The following ARHGAP19 variants were observed in gnomAD, a reference collection of about 807,000 sequenced individuals.
The protein encoded by ARHGAP19 is Rho GTPase activating protein 19.
A neutral mutation model predicts 60.9 loss-of-function variants in ARHGAP19; 48 were observed. That is an observed-to-expected ratio of 0.79 (90% CI 0.62 to 1.00). The LOEUF (loss-of-function observed/expected upper bound fraction) is 1.00. Among genes scored for constraint, ARHGAP19 ranks in the 50% least tolerant of loss-of-function variants. The pLI is 0.00. For missense variants in ARHGAP19, 562 were observed against 597.2 expected, an observed-to-expected ratio of 0.94 and a Z score of 0.61; for synonymous variants, 209 against 215.5, an observed-to-expected ratio of 0.97 and a Z score of 0.27.
intron 7 of ARHGAP19, among the ~76,000 whole-genome samples, chr10:97,244,961 G>A (rs1842542301): frequency 6.7e-6 from 1 of 149,746 alleles, no homozygotes; most frequent in South Asian, 2.1e-4. Context: ...AGGAAAGTAT[G>A]CTTGGAAGAG....
intron 1 of ARHGAP19, among the ~76,000 whole-genome samples, chr10:97,271,267 G>T (rs1842956259): frequency 6.6e-6 from 1 of 152,028 alleles, no homozygotes; most frequent in Non-Finnish European, 1.5e-5. Flanking sequence ...AGTTTTCACT[G>T]TATGCTCTTT....
At chr10:97,285,112 G>A (rs1189857409) in intron 1 of ARHGAP19, among the ~76,000 whole-genome samples, 3 of 151,270 alleles carry the variant, frequency 2.0e-5, no homozygotes, top group Non-Finnish European at 3.0e-5. Context: ...TGATCCGCCC[G>A]CCTCCGCCTC....
At chr10:97,264,799 G>A in intron 3 of ARHGAP19, 27 bp downstream of exon 3, 5 of 1,544,326 alleles carry the variant, frequency 3.2e-6, no homozygotes, top group Non-Finnish European at 4.5e-6. Context: ...ATTAAACAAA[G>A]AATGATAAAA....
chr10:97,274,624 G>C (rs555615798), intron 1 of ARHGAP19, among the ~76,000 whole-genome samples: 2 of 152,252 alleles, frequency 1.3e-5, no homozygotes, highest in Non-Finnish European at 2.9e-5. Context: ...TTATAAACTT[G>C]TATGTATAAT....
At chr10:97,240,193 C>A (rs757494400) in intron 8 of ARHGAP19, among the ~76,000 whole-genome samples, 6 of 150,842 alleles carry the variant, frequency 4.0e-5, no homozygotes, top group Non-Finnish European at 8.8e-5. Context: ...GTACACGTAG[C>A]AGCCAAAAAA....
intron 1 of ARHGAP19, among the ~76,000 whole-genome samples, chr10:97,273,513 G>A (rs1842987006): frequency 9.7e-6 from 1 of 103,236 alleles, no homozygotes; most frequent in African/African-American, 3.6e-5. Context: ...TTTTGAGACA[G>A]AGACTCTCTC....
chr10:97,236,062 G>A (rs1399132485), intron 8 of ARHGAP19, among the ~76,000 whole-genome samples: 3 of 152,078 alleles, frequency 2.0e-5, no homozygotes, highest in Non-Finnish European at 2.9e-5. Flanking sequence ...TGCAACCTCC[G>A]CCTCCCAGGT....
intron 6 of ARHGAP19, among the ~76,000 whole-genome samples, chr10:97,255,102 T>C (rs764733274): frequency 2.1e-4 from 32 of 152,274 alleles, no homozygotes; most frequent in Middle Eastern, 6.8e-3. Flanking sequence ...GGTACAGAGT[T>C]TCAATTTTGC....
At chr10:97,242,324 CTTTTTTTTTTTTTTTT>C (rs1164708198) in intron 8 of ARHGAP19, among the ~76,000 whole-genome samples, 3 of 55,796 alleles carry the variant, frequency 5.4e-5, no homozygotes, top group Non-Finnish European at 1.1e-4. Flanking sequence ...TATCAGTGTT[CTTTTTTTTTTTTTTTT>C]TTTTTTTTTT....
intron 1 of ARHGAP19, among the ~76,000 whole-genome samples, chr10:97,290,290 C>G (rs1053035312): frequency 6.6e-6 from 1 of 152,062 alleles, no homozygotes; most frequent in African/African-American, 2.4e-5. Context: ...ACTCCCATCC[C>G]TCCGGATCTG....
At chr10:97,285,379 C>T (rs1014672914) in intron 1 of ARHGAP19, among the ~76,000 whole-genome samples, 1 of 151,856 alleles carries the variant, frequency 6.6e-6, no homozygotes, top group Non-Finnish European at 1.5e-5. Flanking sequence ...GTCACCCAGG[C>T]CAGAGTGTAG....
intron 4 of ARHGAP19, among the ~76,000 whole-genome samples, chr10:97,262,555 C>T (rs1438094672): frequency 6.6e-6 from 1 of 152,096 alleles, no homozygotes; most frequent in African/African-American, 2.4e-5. Context: ...GTCCCAGCTA[C>T]TCGGGAGGCT....
At chr10:97,263,655 G>T in intron 3 of ARHGAP19, 26 bp from the exon 4 acceptor site, 1 of 1,600,944 alleles carries the variant, frequency 6.2e-7, no homozygotes, top group East Asian at 2.2e-5. Context: ...CAAAGCAGAG[G>T]ACAGGCAAAA....
At chr10:97,278,370 T>C (rs1231329009) in intron 1 of ARHGAP19, among the ~76,000 whole-genome samples, 1 of 152,250 alleles carries the variant, frequency 6.6e-6, no homozygotes, top group Admixed American at 6.5e-5. Context: ...GTTTCTTTTT[T>C]TCTTGACATG....
At chr10:97,273,216 G>A (rs541867717) in intron 1 of ARHGAP19, among the ~76,000 whole-genome samples, 1 of 151,942 alleles carries the variant, frequency 6.6e-6, no homozygotes, top group South Asian at 2.1e-4. Context: ...AGGCCGGAGT[G>A]CAATGGCACA....
chr10:97,232,156 T>C (rs1851035268), intron 9 of ARHGAP19, among the ~76,000 whole-genome samples: 1 of 114,178 alleles, frequency 8.8e-6, no homozygotes, highest in Non-Finnish European at 1.8e-5. Context: ...TGCTCACTAT[T>C]TTTTTTTTTT....
chr10:97,230,345 C>G (rs1464925299), intron 9 of ARHGAP19, among the ~76,000 whole-genome samples: 1 of 152,212 alleles, frequency 6.6e-6, no homozygotes, highest in East Asian at 1.9e-4. Context: ...CTGTCATTTA[C>G]TCACACAGGA....
Position 97,266,015 on chromosome 10 carries a change from AT to A in ARHGAP19, c.166del (p.Ile56PhefsTer24), listed in dbSNP as rs1474389447. 1 of 1,614,152 alleles carries A rather than the reference AT, an allele frequency of 6.2e-7. No homozygotes were observed. Among genetic ancestry groups the A allele is most frequent in the Non-Finnish European group, 8.5e-7 (1 of 1,180,042 alleles). The part of the protein sequence containing the change: ...VEKLRHEKPE[I>X]FTELVVSNIT... ...ATTGCTGACCACCAACTCAGTGAAA[AT>A]CTCAGGTTTCTCATGTCGGAGTTTC... On this transcript the variant is annotated frameshift_variant, in exon 2 of 12. Coordinates refer to ENST00000358531, the MANE Select transcript of ARHGAP19 (RefSeq NM_032900.6). LOFTEE classifies it high-confidence loss of function.
chr10:97,270,970 G>A (rs1842953070), intron 1 of ARHGAP19, among the ~76,000 whole-genome samples: 1 of 152,186 alleles, frequency 6.6e-6, no homozygotes, highest in Non-Finnish European at 1.5e-5. Context: ...GGGGAGGGGT[G>A]ATCCCTACCT....
Sources: allele counts gnomAD v4.1 joint callset (sites outside exome capture counted in the v4.1 genomes callset), GRCh38; gene constraint gnomAD v4.1.1; transcripts MANE v1.5; gene names NCBI Gene and HGNC (gene_info 2026-07-23, HGNC 2026-07-21).